DCC: variants seen among roughly 807,000 people sequenced by gnomAD.
DCC encodes DCC netrin 1 receptor.
Under a neutral mutation model 172.5 loss-of-function variants are expected in DCC, and 58 were observed. That is an observed-to-expected ratio of 0.34 (90% CI 0.27 to 0.42). The LOEUF is 0.42. Among genes scored for constraint, DCC ranks in the 10% least tolerant of loss-of-function variants. The pLI is 1.00. For synonymous variants in DCC, 709 were observed against 644.5 expected (o/e 1.10, Z -1.52); for missense variants, 1,740 against 1,791.0 (o/e 0.97, Z 0.51).
intron 3 of DCC, among the ~76,000 whole-genome samples, chr18:52,920,481 C>T (rs2040106179): frequency 6.6e-6 from 1 of 150,980 alleles, no homozygotes; most frequent in Non-Finnish European, 1.5e-5. Context: ...CAACTTAAAA[C>T]ATCTATTATA....
At chr18:53,442,232 G>C (rs895259139) in intron 22 of DCC, among the ~76,000 whole-genome samples, 3 of 152,182 alleles carry the variant, frequency 2.0e-5, no homozygotes, top group Non-Finnish European at 4.4e-5. Context: ...CAAATTGAAA[G>C]CTTGTGCTAA....
chr18:53,484,626 T>C (rs2045879829), intron 25 of DCC, among the ~76,000 whole-genome samples: 1 of 152,046 alleles, frequency 6.6e-6, no homozygotes, highest in Non-Finnish European at 1.5e-5. Context: ...GAGATAAGGG[T>C]CCAATTTCAT....
At chr18:53,145,098 G>C (rs2043886409) in intron 7 of DCC, among the ~76,000 whole-genome samples, 1 of 140,242 alleles carries the variant, frequency 7.1e-6, no homozygotes, top group Non-Finnish European at 1.5e-5. Flanking sequence ...AAGCTGTGAG[G>C]GCTCTGCTTT....
intron 1 of DCC, among the ~76,000 whole-genome samples, chr18:52,367,814 A>G (rs1984946531): frequency 6.6e-6 from 1 of 152,256 alleles, no homozygotes; most frequent in South Asian, 2.1e-4. Context: ...AATTGGCTGT[A>G]CATAGGCAAG....
intron 1 of DCC, among the ~76,000 whole-genome samples, chr18:52,609,451 T>A (rs962147673): frequency 3.9e-5 from 6 of 152,058 alleles, no homozygotes; most frequent in African/African-American, 1.4e-4. Context: ...AATTAACATG[T>A]ATTAAGCATC....
intron 5 of DCC, among the ~76,000 whole-genome samples, chr18:53,020,939 T>A (rs933701390): frequency 6.6e-6 from 1 of 150,820 alleles, no homozygotes; most frequent in African/African-American, 2.4e-5. Flanking sequence ...GGTTCCAAGT[T>A]ATGAAACCTG....
chr18:53,217,470 C>G (rs1273287814), intron 12 of DCC, among the ~76,000 whole-genome samples: 1 of 152,056 alleles, frequency 6.6e-6, no homozygotes, highest in African/African-American at 2.4e-5. Flanking sequence ...ATTCGCTTTT[C>G]AGAATGAAAA....
chr18:53,016,663 G>A (rs941497696), intron 5 of DCC, among the ~76,000 whole-genome samples: 9 of 151,898 alleles, frequency 5.9e-5, no homozygotes, highest in African/African-American at 2.2e-4. Context: ...TTTTATAATG[G>A]GAGTGAGAGT....
At chr18:52,522,703 T>G (rs1163789497) in intron 1 of DCC, among the ~76,000 whole-genome samples, 1 of 152,230 alleles carries the variant, frequency 6.6e-6, no homozygotes. Flanking sequence ...CAGTCATGTA[T>G]AAATGTCTCA....
intron 1 of DCC, among the ~76,000 whole-genome samples, chr18:52,661,897 A>G (rs1232833118): frequency 2.6e-5 from 4 of 152,220 alleles, no homozygotes; most frequent in African/African-American, 9.6e-5. Context: ...TAGCTATAAA[A>G]TAAGGGAGAA....
intron 18 of DCC, among the ~76,000 whole-genome samples, chr18:53,397,969 T>C (rs1448792942): frequency 1.7e-5 from 2 of 119,456 alleles, no homozygotes; most frequent in South Asian, 2.5e-4. Flanking sequence ...AGAAGACCTT[T>C]ATGCAATTTT....
chr18:52,816,219 A>G (rs1017321304), intron 2 of DCC, among the ~76,000 whole-genome samples: 6 of 152,218 alleles, frequency 3.9e-5, no homozygotes, highest in Non-Finnish European at 7.3e-5. Context: ...AATGCTGGCA[A>G]TTCATAGGTC....
chr18:52,752,041 T>A lies in DCC; in HGVS notation c.92-13T>A, dbSNP rs536238178. ...AATACATGAACATATTTCCCTGTGCTCTCTTGTTCCAGGTTTTCAAATTAA... is the reference window on the plus strand; with the variant it reads ...AATACATGAACATATTTCCCTGTGCACTCTTGTTCCAGGTTTTCAAATTAA... On this transcript the variant is annotated splice_polypyrimidine_tract_variant and intron_variant, in intron 1 of 28. Transcript: ENST00000442544. The A allele has an allele frequency of 6.2e-7, 1 of 1,609,816 alleles. No individual in the cohort carries two copies. Among genetic ancestry groups the A allele is most frequent in the African/African-American group, 1.3e-5 (1 of 74,968 alleles).
intron 1 of DCC, among the ~76,000 whole-genome samples, chr18:52,701,747 T>A (rs1439224852): frequency 6.6e-6 from 1 of 152,180 alleles, no homozygotes; most frequent in Non-Finnish European, 1.5e-5. Context: ...ATCCTCTACC[T>A]TCTCAGCCCA....
chr18:53,081,850 T>A (rs1202999125), intron 7 of DCC, among the ~76,000 whole-genome samples: 1 of 152,216 alleles, frequency 6.6e-6, no homozygotes, highest in East Asian at 1.9e-4. Flanking sequence ...AATTAAACAG[T>A]CTTCACATAA....
chr18:52,664,338 C>A (rs1414322434), intron 1 of DCC, among the ~76,000 whole-genome samples: 1 of 151,972 alleles, frequency 6.6e-6, no homozygotes, highest in Admixed American at 6.6e-5. Context: ...GTTCCCTCAT[C>A]TAAGGAAGGA....
intron 2 of DCC, among the ~76,000 whole-genome samples, chr18:52,810,152 A>C (rs2038166169): frequency 6.6e-6 from 1 of 152,220 alleles, no homozygotes; most frequent in African/African-American, 2.4e-5. Context: ...AAGTCACCAA[A>C]TTTTAATTTT....
At chr18:53,228,469 A>G (rs1426733929) in intron 12 of DCC, among the ~76,000 whole-genome samples, 6 of 152,064 alleles carry the variant, frequency 3.9e-5, no homozygotes, top group African/African-American at 1.4e-4. Context: ...GAGTCTTCCA[A>G]ATTATTTGTC....
chr18:52,608,054 C>A (rs952372119), intron 1 of DCC, among the ~76,000 whole-genome samples: 3 of 152,150 alleles, frequency 2.0e-5, no homozygotes, highest in South Asian at 2.1e-4. Context: ...TTGAGAGCAA[C>A]TTCTTTATAA....
Sources: allele counts gnomAD v4.1 joint callset (sites outside exome capture counted in the v4.1 genomes callset), GRCh38; gene constraint gnomAD v4.1.1; transcripts MANE v1.5; gene names NCBI Gene and HGNC (gene_info 2026-07-23, HGNC 2026-07-21).